The following ARHGAP32 variants were observed in gnomAD, a reference collection of about 807,000 sequenced individuals.
The protein encoded by ARHGAP32 is Rho GTPase activating protein 32.
Under a neutral mutation model 186.5 loss-of-function variants are expected in ARHGAP32, and 51 were observed. The observed-to-expected ratio is 0.27, with a 90% CI of 0.22 to 0.35. The LOEUF (loss-of-function observed/expected upper bound fraction) is 0.35, where lower values mean the gene tolerates loss of function less well. ARHGAP32 is among the 10% of genes least tolerant of loss of function. ARHGAP32 has a pLI of 1.00. For missense variants in ARHGAP32, 2,186 were observed against 2,623.5 expected (o/e 0.83, Z 3.64); for synonymous variants, 950 against 964.3 (o/e 0.99, Z 0.27).
chr11:129,053,780 C>G (rs1384864888), intron 10 of ARHGAP32, among the ~76,000 whole-genome samples: 1 of 152,116 alleles, frequency 6.6e-6, no homozygotes, highest in African/African-American at 2.4e-5. Flanking sequence ...CATAATTCCC[C>G]TTCTCTTGAA....
chr11:129,109,719 T>C (rs1425662698), intron 5 of ARHGAP32, among the ~76,000 whole-genome samples: 1 of 152,142 alleles, frequency 6.6e-6, no homozygotes, highest in African/African-American at 2.4e-5. Flanking sequence ...CATTTGTATA[T>C]CTTCTTTGAG....
chr11:129,214,349 A>AG (rs1944618388), intron 1 of ARHGAP32, among the ~76,000 whole-genome samples: 1 of 152,242 alleles, frequency 6.6e-6, no homozygotes, highest in African/African-American at 2.4e-5. Context: ...ATTGGATATG[A>AG]GGTCAACGAG....
intron 1 of ARHGAP32, among the ~76,000 whole-genome samples, chr11:129,233,650 A>G (rs1944887790): frequency 2.0e-5 from 3 of 151,754 alleles, no homozygotes; most frequent in Admixed American, 1.3e-4. Context: ...AACAATCTAA[A>G]TGTTTTGGGG....
intron 1 of ARHGAP32, among the ~76,000 whole-genome samples, chr11:129,255,708 C>T (rs1018671332): frequency 1.3e-5 from 2 of 151,924 alleles, no homozygotes; most frequent in Non-Finnish European, 2.9e-5. Flanking sequence ...GGGCAAAAGG[C>T]ATAAACAGGC....
chr11:128,974,091 C>T (rs1216163514), intron 21 of ARHGAP32, 33 bp downstream of exon 21: 2 of 1,605,900 alleles, frequency 1.2e-6, no homozygotes, highest in Admixed American at 1.7e-5. Flanking sequence ...TCCCTCTTAA[C>T]TTAAAGAAAG....
upstream of ARHGAP32, chr11:129,279,369 T>TCGGGGG (rs1371251886): frequency 1.4e-5 from 2 of 142,292 alleles, no homozygotes; most frequent in Non-Finnish European, 3.1e-5. Context: ...CCCGTCAGGC[T>TCGGGGG]CGGGGGCGGG....
Position 128,969,912 on chromosome 11 carries a change from C to G in ARHGAP32, c.5301G>C (p.Gln1767His). Residue 1767 changes from glutamine (Q) to histidine (H), a missense_variant, in exon 23 of 23, where the codon CAG becomes CAC. Physicochemically the swap from Gln to His is conservative, Grantham distance 24 (BLOSUM62 0). Coordinates refer to ENST00000682385, the MANE Select transcript of ARHGAP32 (RefSeq NM_001378024.1). This position sits in a 1 kb window ranked among gnomAD's most constrained non-coding sequence, Gnocchi z 4.8. ...DLEDMEKYRM[Q>H]SIRRESRARQ... is the part of the protein sequence containing the mutation. ...GAGCACGGCTCTCTCTCCGGATGGA[C>G]TGCATGCGGTATTTTTCCATGTCCT... The G allele has an allele frequency of 6.2e-7, 1 of 1,614,208 alleles. No individual in the cohort carries two copies. The highest frequency in any genetic ancestry group is 1.7e-5 in the Admixed American group (1 of 60,032).
chr11:129,274,855 A>ATATATACATAC lies in ARHGAP32; in HGVS notation c.-5+4290_-5+4291insGTATGTATATA, dbSNP rs1565487215. On this transcript the variant is annotated intron_variant, in intron 1 of 6. Transcript: ENST00000525234. ...TTTAGAGTACATATACATATGGGGAAAATTATCCAACCCTGGCCTAATCAA... is the reference window on the plus strand; with the variant it reads ...TTTAGAGTACATATACATATGGGGAATATATACATACAATTATCCAACCCTGGCCTAATCAA... Among the ~76,000 whole-genome samples the ATATATACATAC allele has an allele frequency of 1.7e-4, 26 of 152,198 alleles. No homozygotes were observed. In the South Asian group the frequency reaches 5.2e-3, roughly 30 times the overall value.
intron 22 of ARHGAP32, chr11:128,971,418 C>T: frequency 2.4e-6 from 1 of 419,236 alleles, no homozygotes; most frequent in Non-Finnish European, 4.2e-6. Flanking sequence ...GATGAGGTTG[C>T]CTATGGCATA....
chr11:129,231,740 CCTTT>C (rs950017686), intron 1 of ARHGAP32, among the ~76,000 whole-genome samples: 2 of 152,072 alleles, frequency 1.3e-5, no homozygotes, highest in Non-Finnish European at 2.9e-5. Flanking sequence ...TCAGCTAAGG[CCTTT>C]CTTAAGACTG....
chr11:129,149,988 G>A (rs1943252812), intron 2 of ARHGAP32, among the ~76,000 whole-genome samples: 1 of 150,852 alleles, frequency 6.6e-6, no homozygotes. Context: ...CACACTTACA[G>A]AAATACAAAA....
rs1754250790 is a variant in ARHGAP32 at position 129,123,340 on chromosome 11, C to A, written c.444+106G>T. 55 of 849,616 alleles carry A rather than the reference C, an allele frequency of 6.5e-5. No homozygotes were observed. The highest frequency in any genetic ancestry group is 2.1e-4 in the East Asian group (7 of 32,960). The allele number at this position is 849,616 out of a possible 1,614,324, so 52.6% of individuals were successfully genotyped here. ...AATAAGACATCAATTAAAAAAAAAA[C>A]TACTTCAAAGTGTCATCTATTAGAT... On this transcript the variant is annotated intron_variant, in intron 5 of 22. Coordinates refer to ENST00000682385, the MANE Select transcript of ARHGAP32 (RefSeq NM_001378024.1). The surrounding 1 kb of genome is among the most constrained non-coding windows in gnomAD (Gnocchi z 4.6).
chr11:129,072,952 A>T (rs533347296), intron 6 of ARHGAP32, among the ~76,000 whole-genome samples: 1 of 152,288 alleles, frequency 6.6e-6, no homozygotes, highest in African/African-American at 2.4e-5. Context: ...CAAGCTTTCC[A>T]CTGGGGAGAA....
chr11:129,022,872 C>T (rs1427042563), intron 11 of ARHGAP32, among the ~76,000 whole-genome samples: 1 of 152,096 alleles, frequency 6.6e-6, no homozygotes, highest in Admixed American at 6.6e-5. Flanking sequence ...TTTTAGATTT[C>T]TATCTTCCAC....
Position 129,245,042 on chromosome 11 carries a change from G to C in ARHGAP32, c.-5+34104C>G, listed in dbSNP as rs1275682919. On this transcript the variant is annotated intron_variant, in intron 1 of 6. Transcript: ENST00000525234. ...CAACCATTGTGGAAGTCAGTGTGGCGATTCCTCAGGGATCTAGAACTGGAA... is the reference window on the plus strand; with the variant it reads ...CAACCATTGTGGAAGTCAGTGTGGCCATTCCTCAGGGATCTAGAACTGGAA... 1.3e-3 allele frequency among the ~76,000 whole-genome samples: 190 copies of C among 151,892 alleles called. 1 individual carries two copies. The highest frequency in any genetic ancestry group is 6.0e-3 in the East Asian group (31 of 5,170).
At chr11:129,046,826 T>TA (rs35702756) in intron 10 of ARHGAP32, among the ~76,000 whole-genome samples, 13 of 148,552 alleles carry the variant, frequency 8.8e-5, no homozygotes, top group Non-Finnish European at 1.0e-4. Flanking sequence ...ATCGCTGACT[T>TA]AAAAAAAAAA....
chr11:129,029,099 CA>C (rs559046564), intron 11 of ARHGAP32, among the ~76,000 whole-genome samples: 14 of 152,220 alleles, frequency 9.2e-5, no homozygotes, highest in African/African-American at 3.1e-4. Context: ...TGACTGAAAA[CA>C]AAATTAGCAA....
At chr11:129,250,612 A>G (rs1945168859) in intron 1 of ARHGAP32, among the ~76,000 whole-genome samples, 1 of 152,218 alleles carries the variant, frequency 6.6e-6, no homozygotes, top group South Asian at 2.1e-4. Context: ...CTGAGGCTTC[A>G]TTCCAGCCTC....
At chr11:129,192,056 C>T (rs766964376) in intron 1 of ARHGAP32, 27 bp downstream of exon 1, 1 of 1,558,354 alleles carries the variant, frequency 6.4e-7, no homozygotes, top group African/African-American at 1.4e-5. Context: ...GTGGACAGGA[C>T]AAAGGAACTG....
Sources: allele counts gnomAD v4.1 joint callset (sites outside exome capture counted in the v4.1 genomes callset), GRCh38; gene constraint gnomAD v4.1.1; non-coding constraint Gnocchi (gnomAD v3.1); transcripts MANE v1.5; gene names NCBI Gene and HGNC (gene_info 2026-07-23, HGNC 2026-07-21).